The following TARDBP variants were observed in gnomAD, a reference collection of about 807,000 sequenced individuals.
The protein encoded by TARDBP is TAR DNA-binding protein 43.
A neutral mutation model predicts 38.3 loss-of-function variants in TARDBP; 4 were observed. That is an observed-to-expected ratio of 0.10 (90% confidence interval 0.05 to 0.24). The LOEUF is 0.24. Ranked by LOEUF, TARDBP falls within the 10% of genes least tolerant of loss-of-function variation. The probability of loss-of-function intolerance (pLI) is 1.00; values close to 1 mark genes in which losing one functional copy is unlikely to be tolerated. For synonymous variants in TARDBP, 184 were observed against 183.8 expected (o/e 1.00, Z -0.01); for missense variants, 202 against 521.9 (o/e 0.39, Z 5.97).
intron 1 of TARDBP, among the ~76,000 whole-genome samples, chr1:11,013,460 A>C (rs1371960561): frequency 6.6e-6 from 1 of 152,158 alleles, no homozygotes; most frequent in Non-Finnish European, 1.5e-5. Context: ...TCACAGTTAC[A>C]GTTTCAGTAC....
At chr1:11,026,168 T>A (rs914352623), downstream of TARDBP, 1 of 153,242 alleles carries the variant, frequency 6.5e-6, no homozygotes, top group African/African-American at 2.4e-5. Context: ...TTGGAATTGC[T>A]AGGTCAAAGA....
downstream of TARDBP, chr1:11,025,652 G>T (rs118129726): frequency 7.4e-4 from 113 of 152,236 alleles, 2 homozygotes; most frequent in East Asian, 0.014. Flanking sequence ...AGAGAAATGA[G>T]GCCAAGACTC....
chr1:11,017,303 A>T (rs955460064), intron 3 of TARDBP, among the ~76,000 whole-genome samples: 12 of 150,382 alleles, frequency 8.0e-5, no homozygotes, highest in African/African-American at 2.9e-4. Flanking sequence ...TCCCGGGTTT[A>T]AGTGATTTCT....
intron 2 of TARDBP, chr1:11,016,401 C>T (rs1643526485): frequency 5.2e-6 from 1 of 194,052 alleles, no homozygotes; most frequent in South Asian, 8.9e-5. Flanking sequence ...CCTCAGCCTC[C>T]TGAGTTGCTG....
At chr1:11,015,266 A>G (rs1259770271) in intron 2 of TARDBP, among the ~76,000 whole-genome samples, 1 of 151,954 alleles carries the variant, frequency 6.6e-6, no homozygotes, top group African/African-American at 2.4e-5. Context: ...CAAGCAGATC[A>G]CCTGAGGTCC....
At chr1:11,027,308 G>C, downstream of TARDBP, 1 of 1,613,932 alleles carries the variant, frequency 6.2e-7, no homozygotes, top group South Asian at 1.1e-5. Context: ...GCGTGATGTT[G>C]CTATTGATTA....
intron 2 of TARDBP, chr1:11,015,775 ACT>A (rs1473464933): frequency 6.9e-6 from 1 of 145,438 alleles, no homozygotes; most frequent in African/African-American, 2.6e-5. Flanking sequence ...AGACAGTCTC[ACT>A]CTGTCGCCCA....
At position 11,024,195 on chromosome 1, in the gene TARDBP, A is replaced by G. The variant is rs1237110766; in HGVS notation, c.*1541A>G. 1 of 152,622 alleles carries G rather than the reference A, an allele frequency of 6.6e-6. No homozygotes were observed. The highest frequency in any genetic ancestry group is 2.4e-5 in the African/African-American group (1 of 41,454). The allele number at this position is 152,622 out of a possible 1,614,324, so 9.5% of individuals were successfully genotyped here. A position where few individuals can be genotyped will look rare whatever the true frequency, so the allele number is the denominator to read the frequency against. ...TTATTTGAAAAGTTGTCTCAAGTCA[A>G]ATGGATTCATCACCTGTCATGCATT... On this transcript the variant is annotated 3_prime_UTR_variant, in exon 6 of 6. Transcript: ENST00000240185.
downstream of TARDBP, chr1:11,027,723 TGAA>T: frequency 6.8e-7 from 1 of 1,480,014 alleles, no homozygotes; most frequent in Non-Finnish European, 9.1e-7. Context: ...ATGACCGCCT[TGAA>T]GTATATATTT....
At chr1:11,020,696 A>G (rs2100852755) in intron 5 of TARDBP, 97 bp downstream of exon 5, 6 of 1,323,692 alleles carry the variant, frequency 4.5e-6, no homozygotes, top group Middle Eastern at 3.9e-4. Context: ...TCACGAGGTC[A>G]GGAGATCAAG....
downstream of TARDBP, chr1:11,026,700 G>C (rs1643738320): frequency 2.2e-6 from 1 of 446,112 alleles, no homozygotes; most frequent in Non-Finnish European, 3.8e-6. Flanking sequence ...TTGAGTCAAT[G>C]GGTAAGGCTG....
rs1256634121 is a variant in TARDBP at position 11,022,192 on chromosome 1, A to G, written c.783A>G (p.Glu261=). 1 of 1,613,924 alleles carries G rather than the reference A, an allele frequency of 6.2e-7. No individual in the cohort carries two copies. Among genetic ancestry groups the G allele is most frequent in the Non-Finnish European group, 8.5e-7 (1 of 1,179,890 alleles). The change falls in exon 6 of 6, where the codon GAA becomes GAG. Residue 261 remains glutamate, a synonymous_variant. Transcript: ENST00000240185. This position sits in a 1 kb window ranked among gnomAD's most constrained non-coding sequence, Gnocchi z 4.5. ...TCAGCGTTCATATATCCAATGCCGA[A>G]CCTAAGCACAATAGCAATAGACAGT... ...KGISVHISNA[E]PKHNSNRQLE... is the part of the protein sequence containing the mutation.
At chr1:11,014,813 T>C (rs1380522346) in intron 2 of TARDBP, among the ~76,000 whole-genome samples, 2 of 152,106 alleles carry the variant, frequency 1.3e-5, no homozygotes, top group Admixed American at 1.3e-4. Context: ...GGTGGGTGCC[T>C]GTAATACTAG....
chr1:11,018,557 A>AGTT (rs1170517916), intron 3 of TARDBP, 176 bp from the exon 4 acceptor site: 2 of 810,104 alleles, frequency 2.5e-6, no homozygotes, highest in Non-Finnish European at 4.0e-6. Flanking sequence ...TGTTGTTAAC[A>AGTT]CAGTATGGAT....
chr1:11,027,626 T>A (rs1643761893), downstream of TARDBP: 4 of 1,611,614 alleles, frequency 2.5e-6, no homozygotes, highest in East Asian at 8.9e-5. Context: ...GCCCTCCTGT[T>A]GTGCGGGCTG....
downstream of TARDBP, chr1:11,027,605 TC>T (rs1272025252): frequency 1.9e-6 from 3 of 1,614,076 alleles, no homozygotes; most frequent in Non-Finnish European, 2.5e-6. Flanking sequence ...CCTTTTGCCC[TC>T]CATATATACG....
At chr1:11,017,131 G>A (rs1055415020) in intron 3 of TARDBP, 124 bp downstream of exon 3, 19 of 1,069,388 alleles carry the variant, frequency 1.8e-5, no homozygotes, top group Non-Finnish European at 2.7e-5. Context: ...AAACTCCTGG[G>A]CCCATACTGT....
In TARDBP at chr1:11,022,854, GA is replaced by G; in HGVS notation, c.*203del. On this transcript the variant is annotated 3_prime_UTR_variant, in exon 6 of 6. Coordinates refer to ENST00000240185, the MANE Select transcript of TARDBP (RefSeq NM_007375.4). This position sits in a 1 kb window ranked among gnomAD's most constrained non-coding sequence, Gnocchi z 4.5. The stretch of plus-strand genomic sequence containing the variant: ...AGGAATTTTATAAGTTTTGTTACAT[GA>G]AAGGTTGAAATATTGAGTGGTTGAA... 7.3e-7 allele frequency: 1 copy of G among 1,370,516 alleles called. No individual in the cohort carries two copies. The highest frequency in any genetic ancestry group is 9.4e-7 in the Non-Finnish European group (1 of 1,063,058). The allele number at this position is 1,370,516 out of a possible 1,614,324, so 84.9% of individuals were successfully genotyped here. A position where few individuals can be genotyped will look rare whatever the true frequency, so the allele number is the denominator to read the frequency against.
chr1:11,028,547 A>G (rs1643778372), downstream of TARDBP, among the ~76,000 whole-genome samples: 1 of 152,172 alleles, frequency 6.6e-6, no homozygotes, highest in Admixed American at 6.5e-5. Flanking sequence ...TGCAAATTAA[A>G]TACGCCCATT....
Sources: allele counts gnomAD v4.1 joint callset (sites outside exome capture counted in the v4.1 genomes callset), GRCh38; gene constraint gnomAD v4.1.1; non-coding constraint Gnocchi (gnomAD v3.1); transcripts MANE v1.5; gene names NCBI Gene and HGNC (gene_info 2026-07-23, HGNC 2026-07-21).